DIS3L2: variants seen among roughly 807,000 people sequenced by gnomAD.
The protein encoded by DIS3L2 is DIS3 like 3'-5' exoribonuclease 2.
Under a neutral mutation model 97.5 loss-of-function variants are expected in DIS3L2, and 34 were observed. The ratio of observed to expected loss-of-function variants is 0.35; its 90% CI spans 0.27 to 0.46. The LOEUF (loss-of-function observed/expected upper bound fraction) is 0.46. DIS3L2 is among the 20% of genes least tolerant of loss of function. DIS3L2 has a pLI of 1.00. For missense variants in DIS3L2, 1,038 were observed against 1,146.0 expected (o/e 0.91, Z 1.36); for synonymous variants, 435 against 445.2 (o/e 0.98, Z 0.29).
At chr2:231,997,022 G>C (rs967272847) in intron 1 of DIS3L2, among the ~76,000 whole-genome samples, 5 of 152,174 alleles carry the variant, frequency 3.3e-5, no homozygotes, top group Admixed American at 3.3e-4. Flanking sequence ...CTGTGTGCTT[G>C]TGTATTGTCT....
chr2:232,334,305 C>A lies in DIS3L2; in HGVS notation c.2159-64C>A. The A allele has an allele frequency of 6.4e-6, 10 of 1,560,448 alleles. No individual in the cohort carries two copies. The South Asian group carries it at 1.0e-4, about 16-fold the overall frequency. On this transcript the variant is annotated intron_variant, in intron 17 of 20. Coordinates refer to ENST00000325385, the MANE Select transcript of DIS3L2 (RefSeq NM_152383.5). ...GGGGTGCAGCGCCATGCAGCCCATC[C>A]CCCAGCCATAGCTCTTCCCAGCCCC...
chr2:232,238,209 G>A (rs1692985592), intron 10 of DIS3L2, among the ~76,000 whole-genome samples: 1 of 152,136 alleles, frequency 6.6e-6, no homozygotes, highest in African/African-American at 2.4e-5. Flanking sequence ...AAAAGGATTT[G>A]TTCATCACCC....
intron 6 of DIS3L2, among the ~76,000 whole-genome samples, chr2:232,125,935 G>A (rs1698053127): frequency 6.6e-6 from 1 of 152,172 alleles, no homozygotes; most frequent in Non-Finnish European, 1.5e-5. Flanking sequence ...ATCCAGAAGG[G>A]ACATATTTTC....
At chr2:231,996,264 T>C (rs1349056886) in intron 1 of DIS3L2, among the ~76,000 whole-genome samples, 2 of 152,222 alleles carry the variant, frequency 1.3e-5, no homozygotes, top group Non-Finnish European at 2.9e-5. Flanking sequence ...ATTTATTTTA[T>C]GCTGTCTTAT....
intron 7 of DIS3L2, among the ~76,000 whole-genome samples, chr2:232,136,060 A>G (rs1698350146): frequency 6.6e-6 from 1 of 152,156 alleles, no homozygotes; most frequent in Non-Finnish European, 1.5e-5. Flanking sequence ...AAGAGAAGTA[A>G]TTTATGTCTG....
At position 232,296,623 on chromosome 2, in the gene DIS3L2, C is replaced by G. The variant is rs939386177; in HGVS notation, c.1660-3417C>G. 4.6e-5 allele frequency among the ~76,000 whole-genome samples: 7 copies of G among 152,326 alleles called. No homozygotes were observed. The South Asian group carries it at 1.2e-3, about 27-fold the overall frequency. Reference sequence around the variant, plus strand: ...TTTTGTAAATGGGAGTTTCCCTGCACAAGCCCTCTTGCCTCTCGCCACGTA... The same window carrying G: ...TTTTGTAAATGGGAGTTTCCCTGCAGAAGCCCTCTTGCCTCTCGCCACGTA... On this transcript the variant is annotated intron_variant, in intron 13 of 20. Transcript: ENST00000325385.
At chr2:232,312,894 AAAC>A (rs1695174130) in intron 14 of DIS3L2, among the ~76,000 whole-genome samples, 1 of 152,218 alleles carries the variant, frequency 6.6e-6, no homozygotes, top group African/African-American at 2.4e-5. Context: ...TAATACAAGG[AAAC>A]ATGGTTTATT....
At chr2:231,998,696 T>A (rs1280260115) in intron 1 of DIS3L2, among the ~76,000 whole-genome samples, 2 of 152,234 alleles carry the variant, frequency 1.3e-5, no homozygotes, top group African/African-American at 4.8e-5. Flanking sequence ...CCAACTAGTT[T>A]TAGATTTCAT....
chr2:232,001,557 C>CTTTTTTTTTTTTTTTTTTTTTTG (rs1693905091), intron 1 of DIS3L2, among the ~76,000 whole-genome samples: 1 of 61,920 alleles, frequency 1.6e-5, no homozygotes, highest in Non-Finnish European at 2.8e-5. Context: ...TGCCATTTGT[C>CTTTTTTTTTTTTTTTTTTTTTTG]TTTTTTTTTT....
intron 1 of DIS3L2, among the ~76,000 whole-genome samples, chr2:232,013,534 A>G (rs1356077965): frequency 1.3e-5 from 2 of 152,104 alleles, no homozygotes; most frequent in African/African-American, 4.8e-5. Flanking sequence ...TCACACTCTT[A>G]GTTCTTTAAA....
At chr2:231,988,165 C>T (rs929842171) in intron 1 of DIS3L2, among the ~76,000 whole-genome samples, 5 of 152,188 alleles carry the variant, frequency 3.3e-5, no homozygotes, top group Non-Finnish European at 7.4e-5. Context: ...ATTGTTTTCT[C>T]TGCTGTCTAC....
intron 3 of DIS3L2, among the ~76,000 whole-genome samples, chr2:232,020,641 CAG>C (rs1473676249): frequency 2.0e-5 from 3 of 152,216 alleles, no homozygotes; most frequent in Non-Finnish European, 4.4e-5. Flanking sequence ...CCGTGGCAAA[CAG>C]AGAGAGAGGC....
At chr2:232,076,262 A>G (rs1210616094) in intron 5 of DIS3L2, among the ~76,000 whole-genome samples, 2 of 151,834 alleles carry the variant, frequency 1.3e-5, no homozygotes, top group Non-Finnish European at 2.9e-5. Flanking sequence ...CCTCTTTTTC[A>G]TGTGTACCTG....
intron 6 of DIS3L2, among the ~76,000 whole-genome samples, chr2:232,122,483 G>A (rs772122131): frequency 3.9e-5 from 6 of 152,188 alleles, no homozygotes; most frequent in Non-Finnish European, 7.3e-5. Flanking sequence ...TTGGAAGGCC[G>A]AGGTGGGTGG....
chr2:232,246,774 C>T lies in DIS3L2; in HGVS notation c.1318-2465C>T, dbSNP rs114412551. On this transcript the variant is annotated intron_variant, in intron 11 of 20. Coordinates refer to ENST00000325385, the MANE Select transcript of DIS3L2 (RefSeq NM_152383.5). Reference sequence around the variant, plus strand: ...CTTTTTGCAAATAATATCTGAACCCCAAATTCCAACATATAGAAACAGATC... The same window carrying T: ...CTTTTTGCAAATAATATCTGAACCCTAAATTCCAACATATAGAAACAGATC... Among the ~76,000 whole-genome samples the T allele has an allele frequency of 8.6e-3, 1,308 of 152,290 alleles. 16 individuals are homozygous for T. The highest frequency in any genetic ancestry group is 0.029 in the African/African-American group (1,225 of 41,548).
chr2:232,335,990 C>A, intron 20 of DIS3L2, 116 bp downstream of exon 20: 1 of 1,530,320 alleles, frequency 6.5e-7, no homozygotes, highest in South Asian at 1.2e-5. Context: ...CTGCAGCCTC[C>A]CGGGTGGGGT....
rs184087612 is a variant in DIS3L2 at position 232,139,711 on chromosome 2, T to C, written c.950+2992T>C. 2.9e-4 allele frequency among the ~76,000 whole-genome samples: 44 copies of C among 152,304 alleles called. No individual in the cohort carries two copies. The East Asian group carries it at 5.2e-3, about 18-fold the overall frequency. The stretch of plus-strand genomic sequence containing the variant: ...GGGGGAAATCCAGGATCATTTCTTA[T>C]AGGACAGAGGCCTCTTTGCTAAAAG... On this transcript the variant is annotated intron_variant, in intron 8 of 20. Transcript: ENST00000325385.
intron 6 of DIS3L2, among the ~76,000 whole-genome samples, chr2:232,114,793 AT>A (rs1427876787): frequency 3.3e-5 from 5 of 152,222 alleles, no homozygotes; most frequent in Non-Finnish European, 7.3e-5. Flanking sequence ...GAAGAAAAGT[AT>A]CTGGAAGTGT....
At chr2:232,190,289 A>G (rs899097652) in intron 9 of DIS3L2, among the ~76,000 whole-genome samples, 2 of 152,102 alleles carry the variant, frequency 1.3e-5, no homozygotes, top group African/African-American at 2.4e-5. Flanking sequence ...AGCTTTGATC[A>G]TGCCACTGCA....
Sources: allele counts gnomAD v4.1 joint callset (sites outside exome capture counted in the v4.1 genomes callset), GRCh38; gene constraint gnomAD v4.1.1; transcripts MANE v1.5; gene names NCBI Gene and HGNC (gene_info 2026-07-23, HGNC 2026-07-21).